The following AGBL2 variants were observed in gnomAD, a reference collection of about 807,000 sequenced individuals.
AGBL2 encodes the protein cytosolic carboxypeptidase 2.
Under a neutral mutation model 103.0 loss-of-function variants are expected in AGBL2, and 87 were observed. The observed-to-expected ratio is 0.84, with a 90% CI of 0.71 to 1.01. AGBL2 has a LOEUF of 1.01. Ranked by LOEUF, AGBL2 falls within the 50% of genes least tolerant of loss-of-function variation. AGBL2 has a pLI of 0.00. For missense variants in AGBL2, 904 were observed against 1,023.5 expected, an observed-to-expected ratio of 0.88 and a Z score of 1.59; for synonymous variants, 335 against 356.7, an observed-to-expected ratio of 0.94 and a Z score of 0.69.
At chr11:47,669,019 A>G (rs1184940869) in intron 14 of AGBL2, 112 bp from the exon 15 acceptor site, 2 of 704,688 alleles carry the variant, frequency 2.8e-6, no homozygotes, top group African/African-American at 3.5e-5. Flanking sequence ...CTTCTAGTCT[A>G]CTATTTCTCT....
intron 11 of AGBL2, among the ~76,000 whole-genome samples, chr11:47,684,039 T>C (rs1369623315): frequency 6.6e-6 from 1 of 151,308 alleles, no homozygotes; most frequent in East Asian, 1.9e-4. Flanking sequence ...GATCACAAGG[T>C]AAGGAGTTTG....
rs113293036 is a variant in AGBL2, at chr11:47,677,746, C to G, written c.2017-345G>C. 9.2e-5 allele frequency among the ~76,000 whole-genome samples: 14 copies of G among 152,262 alleles called. 3 individuals carry two copies. The highest frequency in any genetic ancestry group is 3.1e-4 in the African/African-American group (13 of 41,550). Reference sequence around the variant, plus strand: ...GGGATTACAGGCGTGAGCCATCATGCCTGGCCCATTTTATTTATTCATCAA... The same window carrying G: ...GGGATTACAGGCGTGAGCCATCATGGCTGGCCCATTTTATTTATTCATCAA... On this transcript the variant is annotated intron_variant, in intron 13 of 18. Coordinates refer to ENST00000525123, the MANE Select transcript of AGBL2 (RefSeq NM_024783.4).
At chr11:47,714,183 A>C in intron 3 of AGBL2, 101 bp downstream of exon 3, 1 of 835,564 alleles carries the variant, frequency 1.2e-6, no homozygotes, top group Non-Finnish European at 2.0e-6. Flanking sequence ...TTGTCAATGC[A>C]AATTATTTAT....
At chr11:47,680,378 G>A (rs144210267) in intron 12 of AGBL2, among the ~76,000 whole-genome samples, 280 of 152,138 alleles carry the variant, frequency 1.8e-3, no homozygotes, top group African/African-American at 6.4e-3. Flanking sequence ...GGAGAATGGC[G>A]TGAATCCGGG....
At chr11:47,713,146 C>T (rs1306692480) in intron 3 of AGBL2, among the ~76,000 whole-genome samples, 1 of 151,898 alleles carries the variant, frequency 6.6e-6, no homozygotes, top group African/African-American at 2.4e-5. Context: ...TCAAGACCAG[C>T]CTGGCCAACA....
intron 13 of AGBL2, among the ~76,000 whole-genome samples, chr11:47,678,325 A>ATTATTTTT (rs1565026399): frequency 8.6e-6 from 1 of 116,048 alleles, no homozygotes; most frequent in Non-Finnish European, 2.0e-5. Context: ...ATTTTATTTT[A>ATTATTTTT]TTTTATTTTA....
intron 7 of AGBL2, among the ~76,000 whole-genome samples, chr11:47,701,332 G>A (rs1318706067): frequency 6.6e-6 from 1 of 151,550 alleles, no homozygotes; most frequent in African/African-American, 2.4e-5. Flanking sequence ...TTAGCCAGGC[G>A]TGGTGGTGCA....
At chr11:47,693,150 G>C (rs928785447) in intron 8 of AGBL2, among the ~76,000 whole-genome samples, 2 of 150,450 alleles carry the variant, frequency 1.3e-5, no homozygotes, top group African/African-American at 2.5e-5. Flanking sequence ...TTCCCTCCCT[G>C]CCTCCCTCCC....
rs1347094308 is a variant in AGBL2 at position 47,685,960 on chromosome 11, T to C, written c.1721A>G (p.Asn574Ser). 5 of 1,614,070 alleles carry C rather than the reference T, an allele frequency of 3.1e-6. No individual in the cohort carries two copies. The highest frequency in any genetic ancestry group is 4.2e-6 in the Non-Finnish European group (5 of 1,179,952). ...NNIFLYGCNN[N>S]NRKYWLHERV... is the part of the protein sequence containing the mutation. ...TTCATGAAGCCAGTATTTGCGATTG[T>C]TGTTATTACAGCCATACAGGAAGAT... is the stretch of plus-strand genomic sequence containing the variant. Residue 574 changes from asparagine to serine, a missense_variant, in exon 11 of 19, where the codon AAC (asparagine) becomes AGC (serine). Transcript: ENST00000525123.
chr11:47,701,147 A>AT (rs1195601476), intron 7 of AGBL2, among the ~76,000 whole-genome samples: 1 of 151,976 alleles, frequency 6.6e-6, no homozygotes, highest in East Asian at 1.9e-4. Flanking sequence ...TCTTTGAAAC[A>AT]TTTTTTTAAA....
chr11:47,710,167 G>C (rs2097532801), intron 4 of AGBL2: 3 of 560,214 alleles, frequency 5.4e-6, no homozygotes, highest in Non-Finnish European at 9.3e-6. Context: ...GAGATTACAG[G>C]CGTGATCACC....
At position 47,692,105 on chromosome 11, in the gene AGBL2, T is replaced by C. The variant is rs989969945; in HGVS notation, c.846A>G (p.Arg282=). Reference sequence around the variant, plus strand: ...CCCTTTGAGAAATTGTTACTCACACTCTGACAGCTTTTTGCAGATTCCCAC... The same window carrying C: ...CCCTTTGAGAAATTGTTACTCACACCCTGACAGCTTTTTGCAGATTCCCAC... ...FESGNLQKAV[R]VDTYEYELTL... is the part of the protein sequence containing the mutation. The change falls in exon 9 of 19, where the codon AGA becomes AGG. Residue 282 remains arginine (R), a splice_region_variant and synonymous_variant. Coordinates refer to ENST00000525123, the MANE Select transcript of AGBL2 (RefSeq NM_024783.4). 6.2e-7 allele frequency: 1 copy of C among 1,611,284 alleles called. No individual in the cohort carries two copies. The highest frequency in any genetic ancestry group is 1.7e-5 in the Admixed American group (1 of 59,908).
Position 47,710,428 on chromosome 11 carries a change from C to G in AGBL2, c.181G>C (p.Gly61Arg). 2 of 1,614,102 alleles carry G rather than the reference C, an allele frequency of 1.2e-6. No individual in the cohort carries two copies. Among genetic ancestry groups the G allele is most frequent in the Non-Finnish European group, 1.7e-6 (2 of 1,180,034 alleles). Residue 61 changes from glycine to arginine, a missense_variant, in exon 4 of 19, where the codon GGG (glycine) becomes CGG (arginine). By Grantham distance (125) the Gly-to-Arg change is moderately radical. Transcript: ENST00000525123. ...TCTGGTATCAAATCATCTTTTTCCC[C>G]AAGAGAGCCATTCAACAGGCATTGA... ...NPQCLLNGSLGEKDDLIPDTL... is the reference protein window; with the variant it reads ...NPQCLLNGSLREKDDLIPDTL...
chr11:47,696,263 GTTTGTTT>G lies in AGBL2; in HGVS notation c.694+3176_694+3182del, dbSNP rs541791983. ...GAGCCTGGGTTTTGTTTGTTTGTTT[GTTTGTTT>G]TTTGTTTTTTGAGACAGAGTCTTGC... On this transcript the variant is annotated intron_variant, in intron 8 of 18. Coordinates refer to ENST00000525123, the MANE Select transcript of AGBL2 (RefSeq NM_024783.4). Among the ~76,000 whole-genome samples, 41 of 150,036 alleles carry G rather than the reference GTTTGTTT, an allele frequency of 2.7e-4. No homozygotes were observed. In the South Asian group the frequency reaches 8.5e-3, roughly 31 times the overall value.
intron 3 of AGBL2, among the ~76,000 whole-genome samples, chr11:47,711,741 G>T (rs1418743024): frequency 6.6e-6 from 1 of 152,116 alleles, no homozygotes; most frequent in Non-Finnish European, 1.5e-5. Flanking sequence ...TGCCATGTTG[G>T]CCAGGCTGGT....
At chr11:47,706,891 C>CAAA (rs35798942) in intron 4 of AGBL2, among the ~76,000 whole-genome samples, 2 of 80,494 alleles carry the variant, frequency 2.5e-5, no homozygotes, top group Non-Finnish European at 2.2e-5. Flanking sequence ...TCTACTATTC[C>CAAA]AAAAAAAAAA....
At chr11:47,700,598 A>G (rs1433126105) in intron 7 of AGBL2, among the ~76,000 whole-genome samples, 3 of 150,126 alleles carry the variant, frequency 2.0e-5, no homozygotes, top group Non-Finnish European at 4.4e-5. Context: ...TTTAAAACAA[A>G]CAAACCAACA....
chr11:47,706,222 G>A (rs577472895), intron 4 of AGBL2, among the ~76,000 whole-genome samples: 208 of 152,232 alleles, frequency 1.4e-3, no homozygotes, highest in Non-Finnish European at 2.4e-3. Flanking sequence ...GGGAGTTCAA[G>A]ACCAGCCTGG....
chr11:47,675,026 G>A (rs1037686254), intron 14 of AGBL2, among the ~76,000 whole-genome samples: 3 of 151,540 alleles, frequency 2.0e-5, no homozygotes, highest in South Asian at 4.2e-4. Context: ...GAGCCACCGC[G>A]CCTGATTTAG....
Sources: allele counts gnomAD v4.1 joint callset (sites outside exome capture counted in the v4.1 genomes callset), GRCh38; gene constraint gnomAD v4.1.1; transcripts MANE v1.5; gene names NCBI Gene and HGNC (gene_info 2026-07-23, HGNC 2026-07-21).